Variants in GDPD5 observed in about 807,000 individuals in gnomAD.
GDPD5 encodes the protein glycerophosphodiester phosphodiesterase 2.
Under a neutral mutation model 75.1 loss-of-function variants are expected in GDPD5, and 48 were observed. The ratio of observed to expected loss-of-function variants is 0.64; its 90% confidence interval spans 0.51 to 0.81. The LOEUF is 0.81. Ranked by LOEUF, GDPD5 falls within the 40% of genes least tolerant of loss-of-function variation. GDPD5 has a pLI of 0.00. For synonymous variants in GDPD5, 336 were observed against 339.0 expected, an observed-to-expected ratio of 0.99 and a Z score of 0.10; for missense variants, 706 against 822.6, an observed-to-expected ratio of 0.86 and a Z score of 1.73.
chr11:75,509,643 C>A (rs993241576), intron 1 of GDPD5, among the ~76,000 whole-genome samples: 2 of 152,192 alleles, frequency 1.3e-5, no homozygotes, highest in Non-Finnish European at 2.9e-5. Flanking sequence ...TATTAACAGA[C>A]AAGAAGGCGG....
In GDPD5 at chr11:75,449,115, C is replaced by T; in HGVS notation, c.576G>A (p.Gln192=). ...QFARAERTSS[Q]VTILCTFFTV... ...TGAAGAAGGTACAGAGAATGGTCAC[C>T]TGGGAGGCTGCAGATAAGGGGCCGT... Residue 192 remains glutamine, a synonymous_variant, in exon 9 of 17, where the codon CAG becomes CAA. Transcript: ENST00000336898. The T allele has an allele frequency of 1.3e-6, 2 of 1,584,120 alleles. No homozygotes were observed. The highest frequency in any genetic ancestry group is 1.7e-6 in the Non-Finnish European group (2 of 1,165,354).
chr11:75,436,825 C>G, intron 16 of GDPD5, 111 bp downstream of exon 16: 1 of 783,778 alleles, frequency 1.3e-6, no homozygotes, highest in Non-Finnish European at 2.2e-6. Flanking sequence ...TGCCCTTGTC[C>G]CTACCCATAT....
chr11:75,519,963 C>T (rs184271925), intron 1 of GDPD5, among the ~76,000 whole-genome samples: 244 of 152,338 alleles, frequency 1.6e-3, no homozygotes, highest in African/African-American at 5.5e-3. Flanking sequence ...CGGCTTCTCC[C>T]ACCTGGGTCA....
intron 1 of GDPD5, among the ~76,000 whole-genome samples, chr11:75,493,208 GA>G (rs1950142244): frequency 6.7e-6 from 1 of 148,486 alleles, no homozygotes; most frequent in African/African-American, 2.5e-5. Flanking sequence ...CTTAGACAGG[GA>G]AAAGGGGCCC....
chr11:75,484,485 C>A (rs1370569498), intron 2 of GDPD5, among the ~76,000 whole-genome samples: 1 of 152,158 alleles, frequency 6.6e-6, no homozygotes, highest in African/African-American at 2.4e-5. Context: ...GCCAAATTAA[C>A]CTGAATTGTT....
chr11:75,510,675 C>T (rs560294568), intron 1 of GDPD5, among the ~76,000 whole-genome samples: 88 of 150,126 alleles, frequency 5.9e-4, no homozygotes, highest in African/African-American at 2.0e-3. Flanking sequence ...ATCTCTTCTT[C>T]GCAGAGCCTC....
At chr11:75,505,642 G>A (rs1182334333) in intron 1 of GDPD5, among the ~76,000 whole-genome samples, 1 of 152,122 alleles carries the variant, frequency 6.6e-6, no homozygotes. Context: ...CAAAAGACCA[G>A]GAATCTGGAG....
chr11:75,450,007 C>T (rs755240273), intron 6 of GDPD5, 24 bp from the exon 7 acceptor site: 2 of 1,598,232 alleles, frequency 1.3e-6, no homozygotes, highest in South Asian at 2.2e-5. Flanking sequence ...AGTCACCGGA[C>T]AGAGGCTCAG....
At chr11:75,509,032 A>G (rs1035057789) in intron 1 of GDPD5, 1 of 152,278 alleles carries the variant, frequency 6.6e-6, no homozygotes, top group African/African-American at 2.4e-5. Flanking sequence ...TGGCATGAAC[A>G]GGGAAGTGGA....
rs1565214792 is a variant in GDPD5, at chr11:75,499,401, T to TC, written c.-144-9082_-144-9081insG. 5.5e-5 allele frequency among the ~76,000 whole-genome samples: 8 copies of TC among 144,306 alleles called. No homozygotes were observed. In the Middle Eastern group the frequency reaches 0.014, roughly 261 times the overall value. The allele number at this position is 144,306 out of a possible 152,430, so 94.7% of individuals were successfully genotyped here. A position where few individuals can be genotyped will look rare whatever the true frequency, so the allele number is the denominator to read the frequency against. On this transcript the variant is annotated intron_variant, in intron 1 of 16. Coordinates refer to ENST00000336898, the MANE Select transcript of GDPD5 (RefSeq NM_030792.8). Reference sequence around the variant, plus strand: ...TTCTTTCTTCTTCTTTTCCTTTTTTTTTTTTTTTTTTTTTTTAACTGGAAG... The same window carrying TC: ...TTCTTTCTTCTTCTTTTCCTTTTTTTCTTTTTTTTTTTTTTTTAACTGGAAG...
At chr11:75,522,495 C>T (rs555286056) in intron 1 of GDPD5, among the ~76,000 whole-genome samples, 5 of 152,138 alleles carry the variant, frequency 3.3e-5, no homozygotes, top group East Asian at 1.9e-4. Flanking sequence ...TACTCCTCCC[C>T]GTCACCACCT....
At chr11:75,490,775 G>T (rs1950093856) in intron 1 of GDPD5, 1 of 152,310 alleles carries the variant, frequency 6.6e-6, no homozygotes, top group Admixed American at 6.5e-5. Flanking sequence ...CGGTAGCCCG[G>T]AGGTGGGATC....
At chr11:75,469,584 C>T (rs1949611017) in intron 3 of GDPD5, among the ~76,000 whole-genome samples, 1 of 152,204 alleles carries the variant, frequency 6.6e-6, no homozygotes, top group South Asian at 2.1e-4. Context: ...CAGGGCCTTG[C>T]CCAAGGTCAC....
Position 75,518,799 on chromosome 11 carries a change from G to C in GDPD5, c.-145+6411C>G, listed in dbSNP as rs57147336. ...GTGAGCTTCTTTAAGACACTTGGGG[G>C]TTCCAGCTCCCTTGTCAGTGGGAGA... On this transcript the variant is annotated intron_variant, in intron 1 of 16. Transcript: ENST00000336898. Among the ~76,000 whole-genome samples the C allele has an allele frequency of 3.3e-3, 505 of 152,276 alleles. 1 individual carries two copies. Among genetic ancestry groups the C allele is most frequent in the African/African-American group, 0.012 (480 of 41,546 alleles).
At chr11:75,458,930 C>T (rs1482664906) in intron 4 of GDPD5, among the ~76,000 whole-genome samples, 4 of 151,820 alleles carry the variant, frequency 2.6e-5, no homozygotes, top group Admixed American at 6.6e-5. Flanking sequence ...ACCAAAATAT[C>T]GGGCTAATTT....
At chr11:75,455,572 C>T (rs1036078625) in intron 6 of GDPD5, among the ~76,000 whole-genome samples, 12 of 152,368 alleles carry the variant, frequency 7.9e-5, no homozygotes, top group Middle Eastern at 3.4e-3. Flanking sequence ...ATTCCACATC[C>T]GTCTTCTAGC....
chr11:75,519,455 G>A (rs1432021411), intron 1 of GDPD5, among the ~76,000 whole-genome samples: 1 of 152,158 alleles, frequency 6.6e-6, no homozygotes. Context: ...CCCTTTGCCT[G>A]GGATTCATTC....
intron 1 of GDPD5, among the ~76,000 whole-genome samples, chr11:75,513,688 T>C (rs957506637): frequency 3.3e-5 from 5 of 152,234 alleles, no homozygotes; most frequent in African/African-American, 1.2e-4. Context: ...TTCCTCGCTC[T>C]CAACCTCTGG....
At chr11:75,511,609 C>T (rs1226558972) in intron 1 of GDPD5, among the ~76,000 whole-genome samples, 2 of 152,112 alleles carry the variant, frequency 1.3e-5, no homozygotes, top group Non-Finnish European at 2.9e-5. Context: ...GCGCCTGGGT[C>T]CAGGCGGGAC....
Sources: allele counts gnomAD v4.1 joint callset (sites outside exome capture counted in the v4.1 genomes callset), GRCh38; gene constraint gnomAD v4.1.1; transcripts MANE v1.5; gene names NCBI Gene and HGNC (gene_info 2026-07-23, HGNC 2026-07-21).